The following SLC9B1 variants were observed in gnomAD, a reference collection of about 807,000 sequenced individuals.
The protein encoded by SLC9B1 is solute carrier family 9 member B1.
SLC9B1 carries 32 observed loss-of-function variants against 51.7 expected under a neutral mutation model. That is an observed-to-expected ratio of 0.62 (90% CI 0.47 to 0.83). SLC9B1 has a LOEUF of 0.83. SLC9B1 is among the 40% of genes least tolerant of loss of function. The probability of loss-of-function intolerance (pLI) is 0.00; values close to 1 mark genes in which losing one functional copy is unlikely to be tolerated. For missense variants in SLC9B1, 406 were observed against 613.2 expected (o/e 0.66, Z 3.57); for synonymous variants, 145 against 212.7 (o/e 0.68, Z 2.77).
At chr4:102,969,922 GA>G (rs1738658198) in intron 3 of SLC9B1, among the ~76,000 whole-genome samples, 1 of 152,110 alleles carries the variant, frequency 6.6e-6, no homozygotes, top group East Asian at 1.9e-4. Flanking sequence ...AATGAAGTGA[GA>G]AGGGAAGTTT....
At chr4:102,975,577 T>G (rs1287568091) in intron 3 of SLC9B1, among the ~76,000 whole-genome samples, 1 of 103,158 alleles carries the variant, frequency 9.7e-6, no homozygotes, top group African/African-American at 4.2e-5. Context: ...TATATATATA[T>G]ATATATATAT....
At chr4:102,960,103 C>T (rs896702515) in intron 3 of SLC9B1, among the ~76,000 whole-genome samples, 6 of 151,832 alleles carry the variant, frequency 4.0e-5, no homozygotes, top group Non-Finnish European at 7.4e-5. Flanking sequence ...ATAATATGTA[C>T]ATTAAAACTC....
At chr4:102,906,356 TA>T (rs944226930) in intron 10 of SLC9B1, 179 bp downstream of exon 10, 3,269 of 338,216 alleles carry the variant, frequency 9.7e-3, no homozygotes, top group South Asian at 0.012. Context: ...CCTTGGTTTA[TA>T]AAAAAAAAAG....
chr4:102,912,251 T>A (rs553771411), intron 7 of SLC9B1: 1 of 152,170 alleles, frequency 6.6e-6, no homozygotes, highest in African/African-American at 2.4e-5. Context: ...TCATGTACTA[T>A]ATGAAAAAGA....
chr4:102,941,697 G>A (rs4383620), intron 6 of SLC9B1, among the ~76,000 whole-genome samples: 144,823 of 145,752 alleles, frequency 0.99, 71,954 homozygotes, highest in East Asian at 1. Context: ...CCCACAGCCA[G>A]CATTATACTG....
chr4:103,009,634 T>C (rs1026853972), intron 1 of SLC9B1, among the ~76,000 whole-genome samples: 1 of 152,236 alleles, frequency 6.6e-6, no homozygotes, highest in Non-Finnish European at 1.5e-5. Context: ...ATATAGTCTA[T>C]TCTCTTATCT....
chr4:102,909,855 C>T (rs1735253523), intron 9 of SLC9B1, among the ~76,000 whole-genome samples: 2 of 151,482 alleles, frequency 1.3e-5, no homozygotes, highest in African/African-American at 2.4e-5. Flanking sequence ...TGGAGTTTTG[C>T]ACTTGTTGCC....
At chr4:103,003,981 G>C (rs13117110) in intron 1 of SLC9B1, among the ~76,000 whole-genome samples, 83,109 of 152,056 alleles carry the variant, frequency 0.55, 23,283 homozygotes, top group African/African-American at 0.68. Context: ...GAAGGAACAT[G>C]AGCCCACACA....
In SLC9B1 at chr4:102,942,222, GAAA is replaced by G. The variant is rs569879934; in HGVS notation, c.653+2968_653+2970del. Among the ~76,000 whole-genome samples the G allele has an allele frequency of 1.4e-3, 208 of 152,172 alleles. No homozygotes were observed. In the Middle Eastern group the frequency reaches 0.017, roughly 12 times the overall value. On this transcript the variant is annotated intron_variant, in intron 6 of 11. Transcript: ENST00000296422. ...AAATCATAGATGACACAAACAAATA[GAAA>G]CACATCACACGCTCATGGATAGGTA... is the stretch of plus-strand genomic sequence containing the variant.
At position 102,932,279 on chromosome 4, in the gene SLC9B1, G is replaced by A; in HGVS notation, c.674C>T (p.Ser225Phe). 6.2e-7 allele frequency: 1 copy of A among 1,611,672 alleles called. No individual in the cohort carries two copies. The part of the protein sequence containing the change: ...FLLGFVLGAV[S>F]PAVVVPYMMV... Reference sequence around the variant, plus strand: ...CATGTAAGGGACAACAACAGCAGGAGAGACAGCACCTAGAACAAAACTGAA... The same window carrying A: ...CATGTAAGGGACAACAACAGCAGGAAAGACAGCACCTAGAACAAAACTGAA... The change falls in exon 7 of 12, where the codon TCT becomes TTT. Residue 225 changes from serine (S) to phenylalanine (F), a missense_variant. Coordinates refer to ENST00000296422, the MANE Select transcript of SLC9B1 (RefSeq NM_139173.4).
chr4:102,945,052 T>G (rs1737201303), intron 6 of SLC9B1, 141 bp downstream of exon 6: 1 of 995,198 alleles, frequency 1.0e-6, no homozygotes, highest in Non-Finnish European at 1.4e-6. Context: ...GCTCTGCTTT[T>G]AATCAACTGC....
intron 3 of SLC9B1, among the ~76,000 whole-genome samples, chr4:102,965,166 G>C (rs1212307385): frequency 6.6e-6 from 1 of 152,028 alleles, no homozygotes; most frequent in Non-Finnish European, 1.5e-5. Flanking sequence ...AATCACAATA[G>C]CATCAAAAAT....
chr4:102,890,588 C>G (rs185744666), intron 11 of SLC9B1: 83 of 152,238 alleles, frequency 5.5e-4, no homozygotes, highest in African/African-American at 1.9e-3. Flanking sequence ...CACCTGTAAT[C>G]TCAGCACTTT....
chr4:102,905,447 T>C (rs919823720), intron 11 of SLC9B1, 67 bp downstream of exon 11: 3 of 1,470,676 alleles, frequency 2.0e-6, no homozygotes, highest in Non-Finnish European at 2.8e-6. Context: ...TAGAGTAACA[T>C]TTTTCATTTT....
At chr4:102,915,880 T>G (rs1735554581) in intron 7 of SLC9B1, among the ~76,000 whole-genome samples, 1 of 152,144 alleles carries the variant, frequency 6.6e-6, no homozygotes, top group South Asian at 2.1e-4. Context: ...TTATTATAAC[T>G]ATGAGATGTT....
At chr4:102,972,492 C>T (rs757100059) in intron 3 of SLC9B1, among the ~76,000 whole-genome samples, 6 of 152,094 alleles carry the variant, frequency 3.9e-5, no homozygotes, top group Non-Finnish European at 8.8e-5. Flanking sequence ...GTGATCTGCT[C>T]GCCTCGGCCT....
chr4:102,920,471 T>C (rs1214470939), intron 7 of SLC9B1, among the ~76,000 whole-genome samples: 1 of 152,150 alleles, frequency 6.6e-6, no homozygotes, highest in African/African-American at 2.4e-5. Context: ...GCAGAAAAGC[T>C]GAAAATTCTA....
chr4:102,946,556 G>T, intron 5 of SLC9B1, 91 bp downstream of exon 5: 1 of 1,413,792 alleles, frequency 7.1e-7, no homozygotes, highest in South Asian at 1.3e-5. Context: ...ACTCTATTTG[G>T]AACAGGAAAA....
rs186387635 is a variant in SLC9B1, at chr4:102,963,959, G to A, written c.212-14532C>T. Among the ~76,000 whole-genome samples, 208 of 152,190 alleles carry A rather than the reference G, an allele frequency of 1.4e-3. No individual in the cohort carries two copies. The Middle Eastern group carries it at 0.017, about 12-fold the overall frequency. On this transcript the variant is annotated intron_variant, in intron 3 of 11. Transcript: ENST00000296422. Reference sequence around the variant, plus strand: ...GGATGTATGAAATAAAAAGGTCACAGTGGAAAACGATAAATACAGAACAGG... The same window carrying A: ...GGATGTATGAAATAAAAAGGTCACAATGGAAAACGATAAATACAGAACAGG...
Sources: gnomAD v4.1 joint callset for allele counts (sites outside exome capture counted in the v4.1 genomes callset) on GRCh38, gnomAD v4.1.1 for gene constraint, MANE v1.5 for transcripts, NCBI Gene and HGNC (gene_info 2026-07-23, HGNC 2026-07-21) for gene names.